ZNF274: variants seen among roughly 807,000 people sequenced by gnomAD.
ZNF274 encodes neurotrophin receptor-interacting factor homolog.
Under a neutral mutation model 42.5 loss-of-function variants are expected in ZNF274, and 23 were observed. That is an observed-to-expected ratio of 0.54 (90% CI 0.39 to 0.77). The LOEUF is 0.77. ZNF274 is among the 30% of genes least tolerant of loss of function. The pLI is 0.00. For synonymous variants in ZNF274, 292 were observed against 305.4 expected, an observed-to-expected ratio of 0.96 and a Z score of 0.46; for missense variants, 679 against 806.5, an observed-to-expected ratio of 0.84 and a Z score of 1.91.
chr19:58,212,495 A>T lies in ZNF274; in HGVS notation c.1314A>T (p.Gln438His). ...ACAGTGGCGCTCTTGACACAAACCA[A>T]GTTTTGCTCCACAAAATTCCTCCTA... Reference protein sequence around the residue: ...QANSGALDTNQVLLHKIPPRK... With the variant: ...QANSGALDTNHVLLHKIPPRK... The change falls in exon 8 of 8, where the codon CAA becomes CAT. Residue 438 changes from glutamine (Q) to histidine (H), a missense_variant. Physicochemically the swap from Gln to His is conservative, Grantham distance 24 (BLOSUM62 0). Coordinates refer to ENST00000617501, the MANE Select transcript of ZNF274 (RefSeq NM_133502.3). This position sits in a 1 kb window ranked among gnomAD's most constrained non-coding sequence, Gnocchi z 4.6. The T allele has an allele frequency of 5.0e-6, 8 of 1,613,922 alleles. No homozygotes were observed. The highest frequency in any genetic ancestry group is 5.9e-6 in the Non-Finnish European group (7 of 1,179,894).
chr19:58,204,254 T>G (rs1029514009), intron 4 of ZNF274, among the ~76,000 whole-genome samples: 1 of 151,668 alleles, frequency 6.6e-6, no homozygotes, highest in Non-Finnish European at 1.5e-5. Flanking sequence ...CAGCGGGGAC[T>G]AGGGAGAACG....
chr19:58,191,212 A>G (rs2075774951), intron 4 of ZNF274, among the ~76,000 whole-genome samples: 1 of 152,150 alleles, frequency 6.6e-6, no homozygotes, highest in Non-Finnish European at 1.5e-5. Flanking sequence ...ATCTCAGCTC[A>G]CTGTAACCTC....
intron 4 of ZNF274, among the ~76,000 whole-genome samples, chr19:58,189,829 G>A (rs1306532492): frequency 6.6e-6 from 1 of 151,936 alleles, no homozygotes; most frequent in Admixed American, 6.6e-5. Context: ...TAAATTCTTT[G>A]ATCTTTTTTG....
rs1568709966 is a variant in ZNF274, at chr19:58,206,856, A to G, written c.393A>G (p.Leu131=). 1.2e-6 allele frequency: 2 copies of G among 1,613,992 alleles called. No homozygotes were observed. The highest frequency in any genetic ancestry group is 1.1e-5 in the South Asian group (1 of 91,050). ...CCCGGAATGCCCAGATCCAGGCCCT[A>G]TATGCTGAAGATGGAAGCCTGAGTG... ...AGPRNAQIQA[L]YAEDGSLSAD... Residue 131 remains leucine, a synonymous_variant, in exon 5 of 8, where the codon CTA becomes CTG. Coordinates refer to ENST00000617501, the MANE Select transcript of ZNF274 (RefSeq NM_133502.3).
At chr19:58,197,019 T>C (rs1276893171) in intron 4 of ZNF274, among the ~76,000 whole-genome samples, 1 of 152,230 alleles carries the variant, frequency 6.6e-6, no homozygotes, top group African/African-American at 2.4e-5. Context: ...GAAAAGTTCT[T>C]ACATTGAGTA....
At chr19:58,188,481 C>G (rs1278772559) in intron 4 of ZNF274, among the ~76,000 whole-genome samples, 1 of 150,228 alleles carries the variant, frequency 6.7e-6, no homozygotes, top group African/African-American at 2.5e-5. Context: ...ATTAGCTGGG[C>G]ATGGTGGGTG....
At chr19:58,183,871 C>T (rs1421359141) in intron 1 of ZNF274, 50 bp from the exon 2 acceptor site, 8 of 1,321,136 alleles carry the variant, frequency 6.1e-6, no homozygotes, top group Non-Finnish European at 8.4e-6. Flanking sequence ...GGTAGCTCCC[C>T]AGCGGACACC....
Position 58,211,549 on chromosome 19 carries a change from T to C in ZNF274, c.853-11T>C, listed in dbSNP as rs1477149241. On this transcript the variant is annotated splice_polypyrimidine_tract_variant and intron_variant, in intron 6 of 7. Transcript: ENST00000617501. The surrounding 1 kb of genome is among the most constrained non-coding windows in gnomAD (Gnocchi z 4.8). ...CTCTTGCTGAGCATAGACACATATG[T>C]GATGTTACAGGAGCCAGTGACCTTC... The C allele has an allele frequency of 1.2e-6, 2 of 1,610,122 alleles. No individual in the cohort carries two copies. Among genetic ancestry groups the C allele is most frequent in the South Asian group, 1.1e-5 (1 of 90,598 alleles).
rs969201488 is a variant in ZNF274 at position 58,208,517 on chromosome 19, CAG to C, written c.739+1316_739+1317del. On this transcript the variant is annotated intron_variant, in intron 5 of 7. Transcript: ENST00000617501. This position sits in a 1 kb window ranked among gnomAD's most constrained non-coding sequence, Gnocchi z 4.5. ...TATTTGAGTGGATCTAACATAACCA[CAG>C]GGGCCCTTAGGAGAGGGAGGCTGGA... 6.6e-6 allele frequency: 1 copy of C among 152,190 alleles called. No individual in the cohort carries two copies. The highest frequency in any genetic ancestry group is 2.4e-5 in the African/African-American group (1 of 41,426). 9.4% of individuals were successfully genotyped at this position (152,190 alleles called of 1,614,324 possible).
chr19:58,212,154 T>G lies in ZNF274; in HGVS notation c.980-7T>G. 6.3e-7 allele frequency: 1 copy of G among 1,589,718 alleles called. No homozygotes were observed. The highest frequency in any genetic ancestry group is 8.5e-7 in the Non-Finnish European group (1 of 1,173,414). On this transcript the variant is annotated splice_polypyrimidine_tract_variant and splice_region_variant and intron_variant, in intron 7 of 7. Coordinates refer to ENST00000617501, the MANE Select transcript of ZNF274 (RefSeq NM_133502.3). This position sits in a 1 kb window ranked among gnomAD's most constrained non-coding sequence, Gnocchi z 4.6. ...TGGGATCCACATCTTTTGTTTATTT[T>G]TTTCAGGGTGGGAGACTACACTGGA...
In ZNF274 at chr19:58,193,932, A is replaced by ATATATC. The variant is rs539237624; in HGVS notation, c.256+6908_256+6913dup. On this transcript the variant is annotated intron_variant, in intron 4 of 7. Coordinates refer to ENST00000617501, the MANE Select transcript of ZNF274 (RefSeq NM_133502.3). ...CACAGCAAGAAACGGTCTCAAAAAA[A>ATATATC]TATATCTATATCTATATCTATATAT... Among the ~76,000 whole-genome samples, 18 of 152,114 alleles carry ATATATC rather than the reference A, an allele frequency of 1.2e-4. No individual in the cohort carries two copies. In the South Asian group the frequency reaches 2.1e-3, roughly 18 times the overall value.
chr19:58,209,854 G>A (rs2076020212), intron 5 of ZNF274, 107 bp from the exon 6 acceptor site: 7 of 668,286 alleles, frequency 1.0e-5, no homozygotes, highest in Non-Finnish European at 1.5e-5. Context: ...TGGAGCCACA[G>A]TACGATGCAG....
chr19:58,183,532 T>C (rs1481238992), intron 1 of ZNF274, 90 bp downstream of exon 1: 1 of 164,436 alleles, frequency 6.1e-6, no homozygotes, highest in Non-Finnish European at 1.3e-5. Flanking sequence ...CTCTGCATTT[T>C]CCGCCGAGCT....
intron 4 of ZNF274, among the ~76,000 whole-genome samples, chr19:58,204,241 T>C (rs2075952957): frequency 6.6e-6 from 1 of 151,984 alleles, no homozygotes; most frequent in South Asian, 2.1e-4. Context: ...GACGTGTCCC[T>C]GTCAGCGGGG....
intron 4 of ZNF274, among the ~76,000 whole-genome samples, chr19:58,194,784 G>A (rs560602191): frequency 2.3e-4 from 35 of 152,058 alleles, no homozygotes; most frequent in Non-Finnish European, 4.6e-4. Flanking sequence ...AAGGCGGGTG[G>A]ATCACCTGAG....
Position 58,188,612 on chromosome 19 carries a change from AAAAAAAAAAT to A in ZNF274, c.256+1572_256+1581del, listed in dbSNP as rs1184356108. On this transcript the variant is annotated intron_variant, in intron 4 of 7. Coordinates refer to ENST00000617501, the MANE Select transcript of ZNF274 (RefSeq NM_133502.3). ...CAGAGTGAGACTCCATCTCAAAAAA[AAAAAAAAAAT>A]ATATATATATATATATATATATATG... is the stretch of plus-strand genomic sequence containing the variant. Among the ~76,000 whole-genome samples the A allele has an allele frequency of 5.6e-3, 410 of 72,624 alleles. 4 individuals are homozygous for A. The highest frequency in any genetic ancestry group is 0.014 in the African/African-American group (260 of 18,098). 47.6% of individuals were successfully genotyped at this position (72,624 alleles called of 152,430 possible). A position where few individuals can be genotyped will look rare whatever the true frequency, so the allele number is the denominator to read the frequency against.
At chr19:58,197,952 TC>T (rs955447635) in intron 4 of ZNF274, among the ~76,000 whole-genome samples, 1 of 152,236 alleles carries the variant, frequency 6.6e-6, no homozygotes, top group Non-Finnish European at 1.5e-5. Flanking sequence ...GGGATCACTC[TC>T]CCTGTGTTCT....
chr19:58,191,507 CCTT>C (rs1241691337), intron 4 of ZNF274, among the ~76,000 whole-genome samples: 3 of 152,214 alleles, frequency 2.0e-5, no homozygotes, highest in Non-Finnish European at 4.4e-5. Flanking sequence ...TGCGTTTCAT[CCTT>C]CTTGGAGCTG....
At chr19:58,206,587 G>C (rs2146241230) in intron 4 of ZNF274, 133 bp from the exon 5 acceptor site, 1 of 1,021,240 alleles carries the variant, frequency 9.8e-7, no homozygotes, top group African/African-American at 1.6e-5. Context: ...ATCTGTCTTT[G>C]GTAACAGCCA....
Sources: allele counts gnomAD v4.1 joint callset (sites outside exome capture counted in the v4.1 genomes callset), GRCh38; gene constraint gnomAD v4.1.1; non-coding constraint Gnocchi (gnomAD v3.1); transcripts MANE v1.5; gene names NCBI Gene and HGNC (gene_info 2026-07-23, HGNC 2026-07-21).